TTN: variants seen among roughly 807,000 people sequenced by gnomAD.
TTN encodes the protein connectin.
Under a neutral mutation model 3,223.0 loss-of-function variants are expected in TTN, and 1,525 were observed. The ratio of observed to expected loss-of-function variants is 0.47; its 90% CI spans 0.45 to 0.49. The LOEUF (loss-of-function observed/expected upper bound fraction) is 0.49. Among genes scored for constraint, TTN ranks in the 20% least tolerant of loss-of-function variants. The probability of loss-of-function intolerance (pLI) is 0.00; values close to 1 mark genes in which losing one functional copy is unlikely to be tolerated. For synonymous variants in TTN, 14,094 were observed against 15,161.0 expected, an observed-to-expected ratio of 0.93 and a Z score of 5.17; for missense variants, 40,786 against 43,424.0, an observed-to-expected ratio of 0.94 and a Z score of 5.40.
intron 130 of TTN, 72 bp from the exon 131 acceptor site, chr2:178,684,821 T>C: frequency 6.4e-7 from 1 of 1,554,048 alleles, no homozygotes; most frequent in Non-Finnish European, 8.8e-7. Flanking sequence ...ACTTATTTTC[T>C]GGTTAATGTT....
chr2:178,613,980 A>G (rs778426911), intron 262 of TTN, 43 bp from the exon 263 acceptor site: 28 of 1,608,984 alleles, frequency 1.7e-5, no homozygotes, highest in Admixed American at 3.4e-5. Context: ...TGTCCTGTAT[A>G]TAAATATGAC....
In TTN at chr2:178,583,665, C is replaced by A. The variant is rs1390911668; in HGVS notation, c.65517G>T (p.Ala21839=). The A allele has an allele frequency of 6.2e-7, 1 of 1,611,964 alleles. No individual in the cohort carries two copies. The highest frequency in any genetic ancestry group is 1.3e-5 in the African/African-American group (1 of 74,818). The part of the protein sequence containing the change: ...QYQFRAIART[A]VNISPPSEPS... ...GTTCAGAAGGTGGGCTAATGTTTAC[C>A]GCGGTCCTGGCAATAGCTCTAAATT... The change falls in exon 312 of 363, where the codon GCG becomes GCT. Residue 21839 remains alanine (A), a synonymous_variant. Coordinates refer to ENST00000589042, the MANE Select transcript of TTN (RefSeq NM_001267550.2).
Position 178,770,466 on chromosome 2 carries a change from C to A in TTN, c.8326G>T (p.Val2776Phe), listed in dbSNP as rs752456093. ...AGCCTTCCAAGCCTGAAGCCATAAA[C>A]AGACTCATCCACGATGGCACAGTTT... Reference protein sequence around the residue: ...IKNCAIVDESVYGFRLGRLGA... With the variant: ...IKNCAIVDESFYGFRLGRLGA... Residue 2776 changes from valine to phenylalanine, a missense_variant, in exon 35 of 363, where the codon GTT becomes TTT. Coordinates refer to ENST00000589042, the MANE Select transcript of TTN (RefSeq NM_001267550.2). The A allele has an allele frequency of 6.2e-7, 1 of 1,614,158 alleles. No individual in the cohort carries two copies. The highest frequency in any genetic ancestry group is 2.2e-5 in the East Asian group (1 of 44,858).
chr2:178,538,466 CT>C (rs1692736420), intron 354 of TTN, 73 bp downstream of exon 354: 76 of 1,422,780 alleles, frequency 5.3e-5, no homozygotes, highest in Non-Finnish European at 6.8e-5. Flanking sequence ...CAGGGTTCTA[CT>C]TAGTATAGAG....
chr2:178,673,887 A>G (rs2067490089), intron 151 of TTN, among the ~76,000 whole-genome samples, 177 bp from the exon 152 acceptor site: 1 of 151,818 alleles, frequency 6.6e-6, no homozygotes. Context: ...TATTACTTAG[A>G]AATCCTATAA....
Position 178,762,165 on chromosome 2 carries a change from G to A in TTN, c.10114+2012C>T, listed in dbSNP as rs145673894. ...CTACACTTACTTAAGGCAATACCTG[G>A]CCAGAGGAAGTTCTGTAAATATTTT... On this transcript the variant is annotated intron_variant, in intron 43 of 362. Coordinates refer to ENST00000589042, the MANE Select transcript of TTN (RefSeq NM_001267550.2). 3.6e-3 allele frequency among the ~76,000 whole-genome samples: 543 copies of A among 152,202 alleles called. 1 individual carries two copies. The highest frequency in any genetic ancestry group is 0.012 in the African/African-American group (497 of 41,524).
chr2:178,545,310 T>C, intron 344 of TTN, 78 bp downstream of exon 344: 2 of 1,364,082 alleles, frequency 1.5e-6, no homozygotes, highest in Non-Finnish European at 1.9e-6. Flanking sequence ...TAAAAATTCT[T>C]AGAGATTGTG....
chr2:178,617,303 T>C, intron 254 of TTN, 22 bp downstream of exon 254: 1 of 1,547,602 alleles, frequency 6.5e-7, no homozygotes, highest in South Asian at 1.2e-5. Context: ...TGAATATTCT[T>C]TTTTATATGC....
intron 301 of TTN, 40 bp downstream of exon 301, chr2:178,592,339 C>T (rs2050408228): frequency 6.3e-7 from 1 of 1,597,240 alleles, no homozygotes; most frequent in African/African-American, 1.4e-5. Flanking sequence ...TCAAAATTAT[C>T]AAAATTTATT....
At chr2:178,646,633 T>C (rs187271147) in intron 215 of TTN, 74 bp from the exon 216 acceptor site, 54 of 826,046 alleles carry the variant, frequency 6.5e-5, no homozygotes, top group African/African-American at 4.3e-4. Flanking sequence ...AAATTTCACA[T>C]TGATGCAAAG....
Position 178,594,047 on chromosome 2 carries a change from G to T in TTN, c.58346C>A (p.Ala19449Asp), listed in dbSNP as rs1179903616. 1 of 1,613,434 alleles carries T rather than the reference G, an allele frequency of 6.2e-7. No individual in the cohort carries two copies. The highest frequency in any genetic ancestry group is 2.2e-5 in the East Asian group (1 of 44,760). Residue 19449 changes from alanine (A) to aspartate (D), a missense_variant, in exon 297 of 363, where the codon GCC (alanine) becomes GAC (aspartate). By Grantham distance (126) the Ala-to-Asp change is moderately radical. Coordinates refer to ENST00000589042, the MANE Select transcript of TTN (RefSeq NM_001267550.2). ...GTATTTGCCGGAATCTGAACGTTTG[G>T]CCTTGATCTTCTCTAAAGCAAGTGT... ...PATLALEKIK[A>D]KRSDSGKYCV...
chr2:178,759,918 C>T (rs2088587074), intron 43 of TTN, among the ~76,000 whole-genome samples: 2 of 151,976 alleles, frequency 1.3e-5, no homozygotes, highest in Admixed American at 6.6e-5. Flanking sequence ...AAGTAAAAAC[C>T]CAAATTACAG....
chr2:178,782,479 C>G, intron 19 of TTN, 52 bp from the exon 20 acceptor site: 1 of 1,613,756 alleles, frequency 6.2e-7, no homozygotes, highest in Non-Finnish European at 8.5e-7. Flanking sequence ...TTTGCCAATA[C>G]TGGTGGGGCT....
Position 178,620,037 on chromosome 2 carries a change from A to G in TTN, c.46380T>C (p.Tyr15460=), listed in dbSNP as rs1195731096. ...ACTTCCTGTCTTCTACCCCGCAAGC[A>G]TATTCACACTCATCATCCAGCCTGC... The part of the protein sequence containing the change: ...KDCRLDDECE[Y]ACGVEDRKSR... The change falls in exon 249 of 363, where the codon TAT becomes TAC. Residue 15460 remains tyrosine (Y), a synonymous_variant. Coordinates refer to ENST00000589042, the MANE Select transcript of TTN (RefSeq NM_001267550.2). 1.9e-6 allele frequency: 3 copies of G among 1,611,970 alleles called. No homozygotes were observed. Among genetic ancestry groups the G allele is most frequent in the Non-Finnish European group, 2.5e-6 (3 of 1,178,804 alleles).
chr2:178,730,777 G>A lies in TTN; in HGVS notation c.17756C>T (p.Pro5919Leu), dbSNP rs1275881697. The A allele has an allele frequency of 1.2e-6, 2 of 1,602,120 alleles. No homozygotes were observed. The highest frequency in any genetic ancestry group is 2.7e-5 in the African/African-American group (2 of 74,566). Residue 5919 changes from proline to leucine, a missense_variant, in exon 61 of 363, where the codon CCT becomes CTT. Coordinates refer to ENST00000589042, the MANE Select transcript of TTN (RefSeq NM_001267550.2). ...TTTCTTCAGCTTTTTGGTGAATGAA[G>A]GAGGTATGATAAGATCTATTCAATG... The part of the protein sequence containing the change: ...RINVLDLIIP[P>L]SFTKKLKKMD...
At chr2:178,695,030 G>A in intron 115 of TTN, 124 bp from the exon 116 acceptor site, 1 of 700,472 alleles carries the variant, frequency 1.4e-6, no homozygotes, top group East Asian at 2.8e-5. Context: ...GCAGATACAT[G>A]TATCATTTTT....
chr2:178,563,069 C>A lies in TTN; in HGVS notation c.83063G>T (p.Arg27688Leu). The stretch of plus-strand genomic sequence containing the variant: ...AAATAAGCGTAAAGTAGCACTTGCA[C>A]GCAGAACGACCACCTTTCTGAGATC... ...DADLRKVVVL[R>L]ASATLRLFVT... The change falls in exon 326 of 363, where the codon CGT becomes CTT. Residue 27688 changes from arginine (R) to leucine (L), a missense_variant. Transcript: ENST00000589042. This position sits in a 1 kb window ranked among gnomAD's most constrained non-coding sequence, Gnocchi z 4.5. The A allele has an allele frequency of 6.2e-7, 1 of 1,613,640 alleles. No individual in the cohort carries two copies. The highest frequency in any genetic ancestry group is 1.3e-5 in the African/African-American group (1 of 75,010).
chr2:178,762,429 C>T (rs1311615660), intron 43 of TTN, among the ~76,000 whole-genome samples: 1 of 151,966 alleles, frequency 6.6e-6, no homozygotes, highest in Non-Finnish European at 1.5e-5. Context: ...CTCTTTCTAC[C>T]CCAATTGGTG....
chr2:178,583,998 A>G, intron 311 of TTN, 92 bp from the exon 312 acceptor site: 1 of 1,321,478 alleles, frequency 7.6e-7, no homozygotes, highest in East Asian at 2.6e-5. Context: ...GCTAAGTAAC[A>G]AGCTCAACAG....
Sources: gnomAD v4.1 joint callset for allele counts (sites outside exome capture counted in the v4.1 genomes callset) on GRCh38, gnomAD v4.1.1 for gene constraint, Gnocchi (gnomAD v3.1) non-coding constraint, MANE v1.5 for transcripts, NCBI Gene and HGNC (gene_info 2026-07-23, HGNC 2026-07-21) for gene names.